The following SORBS2 variants were observed in gnomAD, a reference collection of about 807,000 sequenced individuals.
SORBS2 encodes the protein sorbin and SH3 domain containing 2.
SORBS2 carries 46 observed loss-of-function variants against 97.7 expected under a neutral mutation model. The ratio of observed to expected loss-of-function variants is 0.47; its 90% CI spans 0.37 to 0.60. The LOEUF is 0.60. SORBS2 is among the 20% of genes least tolerant of loss of function. The pLI is 0.00. For synonymous variants in SORBS2, 476 were observed against 473.4 expected (o/e 1.01, Z -0.07); for missense variants, 1,316 against 1,282.3 (o/e 1.03, Z -0.40).
At chr4:185,817,082 A>G (rs1353215569) in intron 1 of SORBS2, among the ~76,000 whole-genome samples, 1 of 152,184 alleles carries the variant, frequency 6.6e-6, no homozygotes, top group Non-Finnish European at 1.5e-5. Context: ...TAAATATTTC[A>G]GGTTTATCAA....
chr4:185,713,722 G>A (rs184512488), intron 2 of SORBS2, among the ~76,000 whole-genome samples: 22 of 152,140 alleles, frequency 1.4e-4, no homozygotes, highest in African/African-American at 4.3e-4. Flanking sequence ...GAAACAAATC[G>A]GTGCTTTATA....
chr4:185,632,492 A>G (rs1196854626), intron 4 of SORBS2, among the ~76,000 whole-genome samples: 3 of 152,252 alleles, frequency 2.0e-5, no homozygotes, highest in Non-Finnish European at 4.4e-5. Context: ...GATACTAAAT[A>G]TGAAAGAAAG....
At chr4:185,841,834 T>C (rs906346462) in intron 1 of SORBS2, among the ~76,000 whole-genome samples, 5 of 152,256 alleles carry the variant, frequency 3.3e-5, no homozygotes, top group African/African-American at 1.2e-4. Flanking sequence ...AAATTCTTTC[T>C]TGCTTAAAAT....
chr4:185,903,081 G>A (rs151199335), intron 1 of SORBS2, among the ~76,000 whole-genome samples: 28 of 152,226 alleles, frequency 1.8e-4, no homozygotes, highest in African/African-American at 6.0e-4. Flanking sequence ...GTGCCTTCCC[G>A]GAGCAAAATA....
At chr4:185,732,527 C>A (rs529353613) in intron 2 of SORBS2, among the ~76,000 whole-genome samples, 1 of 152,306 alleles carries the variant, frequency 6.6e-6, no homozygotes, top group African/African-American at 2.4e-5. Flanking sequence ...TAGCCTGGAC[C>A]ACATGGGTCA....
chr4:185,876,901 C>A (rs2099234004), intron 1 of SORBS2, among the ~76,000 whole-genome samples: 2 of 152,174 alleles, frequency 1.3e-5, no homozygotes, highest in Non-Finnish European at 2.9e-5. Flanking sequence ...GCCCCACAAA[C>A]CAAACTTTAA....
At chr4:185,698,785 C>G (rs1251452731) in intron 2 of SORBS2, among the ~76,000 whole-genome samples, 1 of 152,006 alleles carries the variant, frequency 6.6e-6, no homozygotes, top group African/African-American at 2.4e-5. Context: ...AGCACAAGTC[C>G]AAATGGAAAG....
chr4:185,651,961 CTTTCTTTT>C, intron 2 of SORBS2, 133 bp from the exon 11 acceptor site: 1 of 628,310 alleles, frequency 1.6e-6, no homozygotes, highest in South Asian at 1.9e-5. Flanking sequence ...ATGCCATTTT[CTTTCTTTT>C]TTTCTTTTTT....
rs370590790 is a variant in SORBS2, at chr4:185,607,386, A to G, written c.2796+4394T>C. On this transcript the variant is annotated intron_variant, in intron 12 of 14. Coordinates refer to ENST00000418609, the Ensembl canonical transcript of SORBS2. This position sits in a 1 kb window ranked among gnomAD's most constrained non-coding sequence, Gnocchi z 5.2. ...GCACGGATTATGAAGTTAAGAAAAA[A>G]TAAACTAAGAAAATAATAATAATGC... 1.9e-5 allele frequency: 21 copies of G among 1,111,664 alleles called. No individual in the cohort carries two copies. The African/African-American group carries it at 2.4e-4, about 13-fold the overall frequency. The allele number at this position is 1,111,664 out of a possible 1,614,324, so 68.9% of individuals were successfully genotyped here.
At chr4:185,870,124 T>G (rs943085642) in intron 1 of SORBS2, among the ~76,000 whole-genome samples, 1 of 152,236 alleles carries the variant, frequency 6.6e-6, no homozygotes, top group Non-Finnish European at 1.5e-5. Context: ...ATTTTCAAAC[T>G]TATTGGGCCA....
At chr4:185,622,975 G>T in exon 7 of SORBS2, 1 of 1,614,150 alleles carries the variant, frequency 6.2e-7, no homozygotes, top group East Asian at 2.2e-5. Flanking sequence ...CCACGTCTTG[G>T]AAAGAGGCAC....
intron 1 of SORBS2, among the ~76,000 whole-genome samples, chr4:185,952,516 C>T (rs1242439840): frequency 6.6e-6 from 1 of 152,210 alleles, no homozygotes; most frequent in Middle Eastern, 3.2e-3. Flanking sequence ...GATTTAATCA[C>T]TACTAAGCCC....
intron 1 of SORBS2, among the ~76,000 whole-genome samples, chr4:185,822,174 T>C (rs778413955): frequency 4.6e-5 from 7 of 152,376 alleles, no homozygotes; most frequent in Non-Finnish European, 1.0e-4. Context: ...ATTCTTCACC[T>C]GCAGTATTCA....
intron 1 of SORBS2, among the ~76,000 whole-genome samples, chr4:185,865,795 C>A (rs1030926454): frequency 3.9e-5 from 6 of 152,192 alleles, no homozygotes; most frequent in Non-Finnish European, 8.8e-5. Context: ...TTAAAGTCTG[C>A]TCCCAATTTT....
At chr4:185,678,633 C>A in intron 3 of SORBS2, 86 bp from the exon 7 acceptor site, 1 of 1,390,270 alleles carries the variant, frequency 7.2e-7, no homozygotes, top group South Asian at 1.5e-5. Flanking sequence ...TTTCCAAAAT[C>A]ATTTTTATTT....
rs970337869 is a variant in SORBS2, at chr4:185,644,898, T to C, written c.396+1770A>G. ...TAAAGGGAGCAAAGGGAGGGTTTTTTAGGTGTGCGTCTGTTTTAACCATAT... is the reference window on the plus strand; with the variant it reads ...TAAAGGGAGCAAAGGGAGGGTTTTTCAGGTGTGCGTCTGTTTTAACCATAT... On this transcript the variant is annotated intron_variant, in intron 4 of 14. Coordinates refer to ENST00000418609, the Ensembl canonical transcript of SORBS2. Among the ~76,000 whole-genome samples, 10 of 152,148 alleles carry C rather than the reference T, an allele frequency of 6.6e-5. 1 individual carries two copies. Among genetic ancestry groups the C allele is most frequent in the Admixed American group, 6.5e-4 (10 of 15,278 alleles).
chr4:185,907,951 C>T (rs562876815), intron 1 of SORBS2, among the ~76,000 whole-genome samples: 59 of 152,072 alleles, frequency 3.9e-4, no homozygotes, highest in African/African-American at 1.3e-3. Flanking sequence ...ATTGTGTTCC[C>T]AACATAGCTT....
chr4:185,665,964 G>A, intron 4 of SORBS2: 1 of 1,258,552 alleles, frequency 7.9e-7, no homozygotes, highest in Non-Finnish European at 1.0e-6. Context: ...CTGGAGCTGG[G>A]AGCAGGTGTT....
chr4:185,603,486 C>T (rs1348074893), intron 12 of SORBS2, among the ~76,000 whole-genome samples: 2 of 152,154 alleles, frequency 1.3e-5, no homozygotes, highest in Non-Finnish European at 2.9e-5. Flanking sequence ...ACTATGTCAG[C>T]GAATGGGTTT....
Sources: allele counts gnomAD v4.1 joint callset (sites outside exome capture counted in the v4.1 genomes callset), GRCh38; gene constraint gnomAD v4.1.1; non-coding constraint Gnocchi (gnomAD v3.1); transcripts MANE v1.5; gene names NCBI Gene and HGNC (gene_info 2026-07-23, HGNC 2026-07-21).